Variants in ADAMTS9 observed in about 807,000 individuals in gnomAD.
The protein encoded by ADAMTS9 is A disintegrin and metalloproteinase with thrombospondin motifs 9.
Under a neutral mutation model 257.1 loss-of-function variants are expected in ADAMTS9, and 107 were observed. The observed-to-expected ratio is 0.42, with a 90% CI of 0.36 to 0.49. The LOEUF (loss-of-function observed/expected upper bound fraction) is 0.49, where lower values mean the gene tolerates loss of function less well. Ranked by LOEUF, ADAMTS9 falls within the 20% of genes least tolerant of loss-of-function variation. The pLI is 0.03. For synonymous variants in ADAMTS9, 982 were observed against 880.9 expected (o/e 1.11, Z -2.03); for missense variants, 2,353 against 2,469.1 (o/e 0.95, Z 1.00).
In ADAMTS9 at chr3:64,615,420, A is replaced by C. The variant is rs1474735634; in HGVS notation, c.3090T>G (p.Asp1030Glu). The C allele has an allele frequency of 1.9e-6, 3 of 1,614,052 alleles. No individual in the cohort carries two copies. Among genetic ancestry groups the C allele is most frequent in the East Asian group, 2.2e-5 (1 of 44,862 alleles). The change falls in exon 21 of 40, where the codon GAT becomes GAG. Residue 1030 changes from aspartate to glutamate, a missense_variant. Around this residue, in one of 3 missense-constraint regions of ADAMTS9, gnomAD observed 1,402 missense variants for 1,441.4 expected, o/e 0.97. Coordinates refer to ENST00000498707, the MANE Select transcript of ADAMTS9 (RefSeq NM_182920.2). ...GTGTGCATTTGCTGTCATCCAGTACATCATTTCGGGTATTGACACAAATAG... is the reference window on the plus strand; with the variant it reads ...GTGTGCATTTGCTGTCATCCAGTACCTCATTTCGGGTATTGACACAAATAG... ...RRAICVNTRN[D>E]VLDDSKCTHQ...
At chr3:64,548,018 C>G (rs1335239994) in intron 31 of ADAMTS9, among the ~76,000 whole-genome samples, 1 of 152,062 alleles carries the variant, frequency 6.6e-6, no homozygotes, top group East Asian at 1.9e-4. Context: ...ACTTACGGTT[C>G]TTGGGTGAGG....
chr3:64,615,397 G>C lies in ADAMTS9; in HGVS notation c.3113C>G (p.Thr1038Arg), dbSNP rs766570410. The change falls in exon 21 of 40, where the codon ACA becomes AGA. Residue 1038 changes from threonine (T) to arginine (R), a missense_variant. Coordinates refer to ENST00000498707, the MANE Select transcript of ADAMTS9 (RefSeq NM_182920.2). ...RNDVLDDSKC[T>R]HQEKVTIQRC... The stretch of plus-strand genomic sequence containing the variant: ...CTGAATGGTAACTTTCTCTTGATGT[G>C]TGCATTTGCTGTCATCCAGTACATC... The C allele has an allele frequency of 2.5e-6, 4 of 1,613,904 alleles. No individual in the cohort carries two copies. The highest frequency in any genetic ancestry group is 3.4e-6 in the Non-Finnish European group (4 of 1,179,942).
At chr3:64,523,722 C>T (rs1190526948) in intron 38 of ADAMTS9, among the ~76,000 whole-genome samples, 1 of 152,132 alleles carries the variant, frequency 6.6e-6, no homozygotes, top group African/African-American at 2.4e-5. Flanking sequence ...TTTTCTACCA[C>T]GGACTTACCC....
rs141188525 is a variant in ADAMTS9 at position 64,641,960 on chromosome 3, T to C, written c.1744A>G (p.Met582Val). ...GATCCATCTGTCACGGGGACATCCA[T>C]TTCTTTGGGAACACAAAATCCATAC... is the stretch of plus-strand genomic sequence containing the variant. ...CKYGFCVPKEMDVPVTDGSWG... is the reference protein window; with the variant it reads ...CKYGFCVPKEVDVPVTDGSWG... The change falls in exon 12 of 40, where the codon ATG (methionine) becomes GTG (valine). Residue 582 changes from methionine (M) to valine (V), a missense_variant. Physicochemically the swap from Met to Val is conservative, Grantham distance 21. Coordinates refer to ENST00000498707, the MANE Select transcript of ADAMTS9 (RefSeq NM_182920.2). The C allele has an allele frequency of 1.1e-5, 17 of 1,614,006 alleles. No individual in the cohort carries two copies. Among genetic ancestry groups the C allele is most frequent in the African/African-American group, 1.3e-5 (1 of 74,916 alleles).
intron 3 of ADAMTS9, among the ~76,000 whole-genome samples, chr3:64,675,005 C>T (rs1701592265): frequency 6.6e-6 from 1 of 152,162 alleles, no homozygotes; most frequent in South Asian, 2.1e-4. Context: ...AGCAGCCTTC[C>T]TCAAATCAAA....
intron 2 of ADAMTS9, among the ~76,000 whole-genome samples, chr3:64,684,320 G>C (rs1466610856): frequency 1.3e-5 from 2 of 151,462 alleles, no homozygotes; most frequent in African/African-American, 4.8e-5. Flanking sequence ...ATTTAGGGTA[G>C]AGATGTTCAG....
chr3:64,531,964 G>A (rs2082987529), intron 38 of ADAMTS9, among the ~76,000 whole-genome samples: 2 of 152,132 alleles, frequency 1.3e-5, no homozygotes, highest in African/African-American at 4.8e-5. Flanking sequence ...AAGTGGCAGC[G>A]GTTTCTGACC....
At chr3:64,594,912 G>A (rs1034071205) in intron 27 of ADAMTS9, among the ~76,000 whole-genome samples, 3 of 151,672 alleles carry the variant, frequency 2.0e-5, no homozygotes, top group African/African-American at 4.9e-5. Context: ...TCAGCTTCCC[G>A]AGTAGCTGGG....
chr3:64,685,946 C>T (rs1447234164), intron 2 of ADAMTS9, among the ~76,000 whole-genome samples: 1 of 152,202 alleles, frequency 6.6e-6, no homozygotes, highest in Non-Finnish European at 1.5e-5. Flanking sequence ...GTAGGCTCCG[C>T]CTTCTCCCCC....
chr3:64,537,786 C>T (rs1169716700), intron 37 of ADAMTS9, among the ~76,000 whole-genome samples: 1 of 152,172 alleles, frequency 6.6e-6, no homozygotes, highest in Admixed American at 6.5e-5. Context: ...TCCTTTAAAC[C>T]TAAGAGAAAA....
At chr3:64,615,509 A>G (rs770644860) in intron 20 of ADAMTS9, 24 bp from the exon 21 acceptor site, 6 of 1,585,568 alleles carry the variant, frequency 3.8e-6, no homozygotes, top group Non-Finnish European at 5.1e-6. Context: ...ATAAATAAAT[A>G]AAACTGTTGC....
chr3:64,659,576 T>C (rs1701175812), intron 3 of ADAMTS9, among the ~76,000 whole-genome samples: 1 of 151,988 alleles, frequency 6.6e-6, no homozygotes, highest in African/African-American at 2.4e-5. Flanking sequence ...TAACAGACGA[T>C]ACAGAGGAAC....
At chr3:64,523,689 A>T (rs1240396552) in intron 38 of ADAMTS9, among the ~76,000 whole-genome samples, 1 of 152,190 alleles carries the variant, frequency 6.6e-6, no homozygotes, top group African/African-American at 2.4e-5. Flanking sequence ...CTATAGAACT[A>T]GTAGTATCAA....
rs201262369 is a variant in ADAMTS9, at chr3:64,654,605, T to C, written c.1177A>G (p.Ile393Val). The C allele has an allele frequency of 2.5e-6, 4 of 1,614,166 alleles. No individual in the cohort carries two copies. In the South Asian group the frequency reaches 3.3e-5, roughly 13 times the overall value. ...DTAVLLTRQD[I>V]CRAHDKCDTL... ...TCACATTTGTCGTGAGCTCTGCAGA[T>C]ATCCTGTCTGAAAGCAAAGCAGACT... Residue 393 changes from isoleucine (I) to valine (V), a missense_variant, in exon 7 of 40, where the codon ATC (isoleucine) becomes GTC (valine). Coordinates refer to ENST00000498707, the MANE Select transcript of ADAMTS9 (RefSeq NM_182920.2).
Position 64,687,398 on chromosome 3 carries a change from C to T in ADAMTS9, c.115+145G>A. 2 of 737,454 alleles carry T rather than the reference C, an allele frequency of 2.7e-6. No individual in the cohort carries two copies. The highest frequency in any genetic ancestry group is 4.2e-6 in the Non-Finnish European group (2 of 474,996). 45.7% of individuals were successfully genotyped at this position (737,454 alleles called of 1,614,324 possible). A position where few individuals can be genotyped will look rare whatever the true frequency, so the allele number is the denominator to read the frequency against. ...CCCTAGCAATTGGTTGGGGATGACC[C>T]AAAGAAGGGAGAGGCTGCAAAGCGG... On this transcript the variant is annotated intron_variant, in intron 1 of 39. Transcript: ENST00000498707. This position sits in a 1 kb window ranked among gnomAD's most constrained non-coding sequence, Gnocchi z 4.4.
chr3:64,568,691 G>C, intron 28 of ADAMTS9, 156 bp from the exon 29 acceptor site: 1 of 815,938 alleles, frequency 1.2e-6, no homozygotes. Flanking sequence ...AGGCTTAATA[G>C]GGAAGGAAGG....
chr3:64,619,077 A>G (rs1429172590), intron 19 of ADAMTS9, among the ~76,000 whole-genome samples: 1 of 152,216 alleles, frequency 6.6e-6, no homozygotes, highest in African/African-American at 2.4e-5. Context: ...AAACTTAAAA[A>G]GAGGGTTCTT....
chr3:64,658,908 G>T (rs1701155141), intron 3 of ADAMTS9, 117 bp from the exon 4 acceptor site: 2 of 1,088,250 alleles, frequency 1.8e-6, no homozygotes, highest in Admixed American at 2.3e-5. Context: ...ACAAAAACAA[G>T]TCCTCCATGG....
chr3:64,683,389 C>G (rs970345768), intron 2 of ADAMTS9, among the ~76,000 whole-genome samples: 3 of 152,170 alleles, frequency 2.0e-5, no homozygotes, highest in Non-Finnish European at 2.9e-5. Flanking sequence ...CTGAGGTTCT[C>G]TTCAGGAGAA....
Sources: allele counts gnomAD v4.1 joint callset (sites outside exome capture counted in the v4.1 genomes callset), GRCh38; gene constraint gnomAD v4.1.1; regional missense constraint gnomAD v4.1.1; non-coding constraint Gnocchi (gnomAD v3.1); transcripts MANE v1.5; gene names NCBI Gene and HGNC (gene_info 2026-07-23, HGNC 2026-07-21).